TEX14: variants seen among roughly 807,000 people sequenced by gnomAD.
TEX14 encodes the protein testis expressed 14, intercellular bridge forming factor.
A neutral mutation model predicts 178.6 loss-of-function variants in TEX14; 168 were observed. The ratio of observed to expected loss-of-function variants is 0.94; its 90% CI spans 0.83 to 1.07. The LOEUF is 1.07. Ranked by LOEUF, TEX14 falls within the 50% of genes least tolerant of loss-of-function variation. The pLI is 0.00. For synonymous variants in TEX14, 626 were observed against 634.1 expected, an observed-to-expected ratio of 0.99 and a Z score of 0.19; for missense variants, 1,730 against 1,753.6, an observed-to-expected ratio of 0.99 and a Z score of 0.24.
intron 21 of TEX14, 114 bp downstream of exon 21, chr17:58,577,261 A>G (rs1483526521): frequency 2.8e-5 from 12 of 431,498 alleles, no homozygotes; most frequent in East Asian, 4.1e-5. Flanking sequence ...GCTAACTTTT[A>G]TAAGATAGTA....
chr17:58,677,775 T>C (rs149519593), intron 1 of TEX14: 1 of 152,306 alleles, frequency 6.6e-6, no homozygotes, highest in Admixed American at 6.5e-5. Context: ...ACCCTCAGAT[T>C]CAAAACACTC....
In TEX14 at chr17:58,572,056, CT is replaced by C; in HGVS notation, c.3581del (p.Glu1194GlyfsTer20). ...LESITFQVKT[E>X]FASCWNSQEF... ...CTTGACTGTTCCAGCAAGAGGCAAA[CT>C]CTGTCTTAACCTGAAATGTGATACT... On this transcript the variant is annotated frameshift_variant, in exon 24 of 32. Coordinates refer to ENST00000349033, the MANE Select transcript of TEX14 (RefSeq NM_031272.5). LOFTEE classifies it high-confidence loss of function. 6.2e-7 allele frequency: 1 copy of C among 1,614,182 alleles called. No homozygotes were observed. The highest frequency in any genetic ancestry group is 8.5e-7 in the Non-Finnish European group (1 of 1,180,020).
At chr17:58,679,581 C>T (rs1454133933) in intron 1 of TEX14, 3 of 152,210 alleles carry the variant, frequency 2.0e-5, no homozygotes, top group African/African-American at 4.8e-5. Context: ...TTAAGTTTCC[C>T]ACATTTGTAG....
chr17:58,646,555 C>A (rs577604875), intron 2 of TEX14, among the ~76,000 whole-genome samples: 1 of 152,248 alleles, frequency 6.6e-6, no homozygotes, highest in African/African-American at 2.4e-5. Flanking sequence ...CCAGGTTGGA[C>A]TCCTGGGGTC....
intron 5 of TEX14, among the ~76,000 whole-genome samples, chr17:58,619,264 G>A (rs1413515762): frequency 6.6e-6 from 1 of 152,168 alleles, no homozygotes; most frequent in Non-Finnish European, 1.5e-5. Flanking sequence ...GACAACTGCA[G>A]TTCAGACCAA....
At chr17:58,581,765 T>C in intron 19 of TEX14, 1 of 1,601,490 alleles carries the variant, frequency 6.2e-7, no homozygotes, top group Non-Finnish European at 8.5e-7. Context: ...TTTAAGTTGC[T>C]GTTCATTGTA....
In TEX14 at chr17:58,602,593, G is replaced by A. The variant is rs1468228904; in HGVS notation, c.1337-3C>T. ...TAAGCCCTTCCAGGGTATGTCATCTGTAAGGAAAAAGTCATACAAAAGAGT... is the reference window on the plus strand; with the variant it reads ...TAAGCCCTTCCAGGGTATGTCATCTATAAGGAAAAAGTCATACAAAAGAGT... On this transcript the variant is annotated splice_polypyrimidine_tract_variant and splice_region_variant and intron_variant, in intron 11 of 31. Transcript: ENST00000349033. The A allele has an allele frequency of 6.2e-7, 1 of 1,604,348 alleles. No individual in the cohort carries two copies. The highest frequency in any genetic ancestry group is 1.7e-5 in the Admixed American group (1 of 58,316).
At chr17:58,648,963 G>GT (rs906270700) in intron 2 of TEX14, among the ~76,000 whole-genome samples, 2 of 143,712 alleles carry the variant, frequency 1.4e-5, no homozygotes, top group Non-Finnish European at 3.0e-5. Context: ...CTAAATTTTT[G>GT]TTTTTTTAGT....
chr17:58,646,710 CAA>C (rs1453491043), intron 2 of TEX14, among the ~76,000 whole-genome samples: 1 of 152,152 alleles, frequency 6.6e-6, no homozygotes, highest in African/African-American at 2.4e-5. Flanking sequence ...ACCCCATAGA[CAA>C]GGAGGCTCAG....
intron 14 of TEX14, among the ~76,000 whole-genome samples, chr17:58,593,883 G>A (rs548796326): frequency 6.6e-6 from 1 of 152,254 alleles, no homozygotes; most frequent in Non-Finnish European, 1.5e-5. Flanking sequence ...TCACCAGGCT[G>A]GAGTGCAGTG....
chr17:58,628,481 G>A (rs971069890), intron 3 of TEX14, among the ~76,000 whole-genome samples: 3 of 152,212 alleles, frequency 2.0e-5, no homozygotes, highest in African/African-American at 7.2e-5. Context: ...GGGAGGCTAA[G>A]GCGGGCGGAT....
intron 6 of TEX14, 44 bp from the exon 7 acceptor site, chr17:58,616,349 A>T: frequency 6.3e-7 from 1 of 1,595,622 alleles, no homozygotes; most frequent in South Asian, 1.1e-5. Flanking sequence ...GAAGGGGGGA[A>T]AAGCAGAATA....
chr17:58,626,569 C>CAAAAA (rs11327030), intron 3 of TEX14, among the ~76,000 whole-genome samples: 4 of 33,662 alleles, frequency 1.2e-4, no homozygotes, highest in Admixed American at 9.1e-4. Flanking sequence ...GACTCCATCT[C>CAAAAA]AAAAAAAAAA....
chr17:58,593,478 A>C (rs1041187182), intron 15 of TEX14, 77 bp downstream of exon 15: 19 of 1,085,558 alleles, frequency 1.8e-5, no homozygotes. Flanking sequence ...AGACATAAGA[A>C]GATCACTGAG....
At chr17:58,607,276 T>C (rs1051352826) in intron 10 of TEX14, among the ~76,000 whole-genome samples, 1 of 152,194 alleles carries the variant, frequency 6.6e-6, no homozygotes, top group Non-Finnish European at 1.5e-5. Flanking sequence ...CACTTCTACC[T>C]GAGGTTCCAT....
intron 1 of TEX14, among the ~76,000 whole-genome samples, chr17:58,656,351 A>G (rs1283597386): frequency 2.0e-5 from 3 of 152,112 alleles, no homozygotes; most frequent in African/African-American, 7.2e-5. Flanking sequence ...AGGCTGAGAC[A>G]GGACAACTGC....
rs1462220891 is a variant in TEX14 at position 58,559,466 on chromosome 17, C to A, written c.4254G>T (p.Gly1418=). Residue 1418 remains glycine (G), a synonymous_variant, in exon 30 of 32, where the codon GGG becomes GGT. Coordinates refer to ENST00000349033, the MANE Select transcript of TEX14 (RefSeq NM_031272.5). ...PERRKSEGVL[G]TSEEDELKSC... is the part of the protein sequence containing the mutation. ...ATTAATTCATACCTTCTTCAGAAGT[C>A]CCTAGAACACCCTCTGATTTCCTTC... 1.4e-6 allele frequency: 2 copies of A among 1,439,656 alleles called. No homozygotes were observed. The highest frequency in any genetic ancestry group is 2.0e-6 in the Non-Finnish European group (2 of 1,024,096). 89.2% of individuals were successfully genotyped at this position (1,439,656 alleles called of 1,614,324 possible). A position where few individuals can be genotyped will look rare whatever the true frequency, so the allele number is the denominator to read the frequency against.
intron 2 of TEX14, among the ~76,000 whole-genome samples, chr17:58,635,756 G>A (rs1339461669): frequency 6.6e-6 from 1 of 150,632 alleles, no homozygotes; most frequent in Non-Finnish European, 1.5e-5. Flanking sequence ...TTTTTTTTGA[G>A]ACAGAGTCTC....
intron 1 of TEX14, among the ~76,000 whole-genome samples, chr17:58,672,298 C>T (rs1175916353): frequency 6.6e-6 from 1 of 152,164 alleles, no homozygotes; most frequent in Non-Finnish European, 1.5e-5. Flanking sequence ...CTAACTGGTC[C>T]TAGAGCCAAT....
Sources: gnomAD v4.1 joint callset for allele counts (sites outside exome capture counted in the v4.1 genomes callset) on GRCh38, gnomAD v4.1.1 for gene constraint, MANE v1.5 for transcripts, NCBI Gene and HGNC (gene_info 2026-07-23, HGNC 2026-07-21) for gene names.